Variants in KCNIP1 observed in about 807,000 individuals in gnomAD.
KCNIP1 encodes A-type potassium channel modulatory protein KCNIP1.
A neutral mutation model predicts 33.0 loss-of-function variants in KCNIP1; 18 were observed. That is an observed-to-expected ratio of 0.55 (90% confidence interval 0.38 to 0.81). The LOEUF (loss-of-function observed/expected upper bound fraction) is 0.81. KCNIP1 is among the 30% of genes least tolerant of loss of function. The pLI is 0.00. For synonymous variants in KCNIP1, 93 were observed against 98.3 expected (o/e 0.95, Z 0.32); for missense variants, 238 against 271.6 (o/e 0.88, Z 0.87).
At chr5:170,544,555 T>C (rs1756340695) in intron 1 of KCNIP1, among the ~76,000 whole-genome samples, 1 of 152,150 alleles carries the variant, frequency 6.6e-6, no homozygotes, top group African/African-American at 2.4e-5. Flanking sequence ...ACAGACACTG[T>C]TGGGTTTATT....
chr5:170,663,129 T>G (rs184118493), intron 1 of KCNIP1, among the ~76,000 whole-genome samples: 1 of 152,314 alleles, frequency 6.6e-6, no homozygotes, highest in African/African-American at 2.4e-5. Context: ...AGGTGTTGGT[T>G]CTGATCCTCT....
intron 1 of KCNIP1, among the ~76,000 whole-genome samples, chr5:170,696,912 A>G (rs777673948): frequency 2.3e-4 from 35 of 152,122 alleles, no homozygotes; most frequent in Non-Finnish European, 3.2e-4. Context: ...AAGGACAGTC[A>G]GATGTACTTC....
chr5:170,500,967 T>C (rs1757399092), upstream of KCNIP1, among the ~76,000 whole-genome samples: 1 of 152,184 alleles, frequency 6.6e-6, no homozygotes, highest in Non-Finnish European at 1.5e-5. Context: ...ACTGGGTCAC[T>C]GAGCAAAGAA....
At chr5:170,428,371 A>C (rs543262284) in intron 1 of KCNIP1, among the ~76,000 whole-genome samples, 17 of 152,092 alleles carry the variant, frequency 1.1e-4, no homozygotes, top group Non-Finnish European at 2.4e-4. Context: ...AACCACAGTC[A>C]AAGTACACAT....
At chr5:170,372,076 TC>T (rs1156792091) in intron 1 of KCNIP1, among the ~76,000 whole-genome samples, 3 of 152,280 alleles carry the variant, frequency 2.0e-5, no homozygotes, top group East Asian at 3.9e-4. Context: ...CAATAGGGTG[TC>T]CTGACTATCC....
intron 1 of KCNIP1, among the ~76,000 whole-genome samples, chr5:170,366,829 T>G (rs1763675916): frequency 6.6e-6 from 1 of 152,156 alleles, no homozygotes; most frequent in South Asian, 2.1e-4. Flanking sequence ...AGCCGATGAC[T>G]CATAGACTAA....
chr5:170,561,769 G>C lies in KCNIP1; in HGVS notation c.61+57136G>C, dbSNP rs572682543. Among the ~76,000 whole-genome samples the C allele has an allele frequency of 5.9e-5, 9 of 152,318 alleles. No homozygotes were observed. The East Asian group carries it at 1.5e-3, about 26-fold the overall frequency. On this transcript the variant is annotated intron_variant, in intron 1 of 7. Transcript: ENST00000328939. Reference sequence around the variant, plus strand: ...TATATTCGTTGAGTTCCCACTGCGTGGTGGGCATTATCCTAGGAACTGAGG... The same window carrying C: ...TATATTCGTTGAGTTCCCACTGCGTCGTGGGCATTATCCTAGGAACTGAGG...
intron 1 of KCNIP1, among the ~76,000 whole-genome samples, chr5:170,653,763 G>A (rs1039599011): frequency 6.6e-6 from 1 of 151,668 alleles, no homozygotes; most frequent in African/African-American, 2.4e-5. Context: ...GGCAGAATGT[G>A]GCCACCAGTA....
intron 1 of KCNIP1, among the ~76,000 whole-genome samples, chr5:170,712,495 A>G (rs73800903): frequency 0.035 from 5,316 of 152,278 alleles, 294 homozygotes; most frequent in African/African-American, 0.12. Flanking sequence ...TGTGGAGGGT[A>G]TCTTATAAGC....
At chr5:170,541,262 A>T (rs945613090) in intron 1 of KCNIP1, among the ~76,000 whole-genome samples, 1 of 152,150 alleles carries the variant, frequency 6.6e-6, no homozygotes, top group Non-Finnish European at 1.5e-5. Flanking sequence ...CATATGACCC[A>T]TAGCCATCTG....
At chr5:170,450,355 G>A (rs546493728) in intron 1 of KCNIP1, among the ~76,000 whole-genome samples, 4 of 152,274 alleles carry the variant, frequency 2.6e-5, no homozygotes, top group African/African-American at 9.6e-5. Context: ...CACTCAGCCA[G>A]GGTCTGCGGG....
intron 2 of KCNIP1, among the ~76,000 whole-genome samples, chr5:170,719,848 T>C (rs1377177923): frequency 6.6e-6 from 1 of 152,174 alleles, no homozygotes; most frequent in Non-Finnish European, 1.5e-5. Context: ...AGAAGGATCC[T>C]GTGGGAAAGT....
At chr5:170,395,637 CA>C (rs1332855461) in intron 1 of KCNIP1, among the ~76,000 whole-genome samples, 1 of 152,140 alleles carries the variant, frequency 6.6e-6, no homozygotes, top group Non-Finnish European at 1.5e-5. Flanking sequence ...GGGACCAGAA[CA>C]GGTGGATAGA....
At chr5:170,500,789 A>G (rs1364382491), upstream of KCNIP1, among the ~76,000 whole-genome samples, 1 of 152,258 alleles carries the variant, frequency 6.6e-6, no homozygotes, top group Non-Finnish European at 1.5e-5. Flanking sequence ...AGGCGTCCGC[A>G]GGAATAAATG....
intron 5 of KCNIP1, among the ~76,000 whole-genome samples, chr5:170,732,299 T>C (rs1764234160): frequency 6.6e-6 from 1 of 152,046 alleles, no homozygotes; most frequent in Admixed American, 6.5e-5. Context: ...TCTGATTCAA[T>C]AGGTTTGGAG....
chr5:170,591,384 A>AAAG (rs1758254262), intron 1 of KCNIP1, among the ~76,000 whole-genome samples: 1 of 2,148 alleles, frequency 4.7e-4, no homozygotes, highest in African/African-American at 5.4e-4. Context: ...AAGGGGAAAG[A>AAAG]AAGGAGAGTG....
intron 1 of KCNIP1, among the ~76,000 whole-genome samples, chr5:170,367,530 A>T (rs1581115006): frequency 6.6e-6 from 1 of 152,190 alleles, no homozygotes; most frequent in Non-Finnish European, 1.5e-5. Flanking sequence ...GGATGGATTG[A>T]TGGAGGATGG....
In KCNIP1 at chr5:170,592,058, C is replaced by T. The variant is rs115385048; in HGVS notation, c.61+87425C>T. Among the ~76,000 whole-genome samples, 725 of 152,326 alleles carry T rather than the reference C, an allele frequency of 4.8e-3. 6 individuals are homozygous for T. Among genetic ancestry groups the T allele is most frequent in the African/African-American group, 0.016 (677 of 41,576 alleles). On this transcript the variant is annotated intron_variant, in intron 1 of 7. Transcript: ENST00000328939. Reference sequence around the variant, plus strand: ...ACAGCAGCTGCAGCATTTTACATTCCTACCAGCAGTGCACAAGAGTTCCAA... The same window carrying T: ...ACAGCAGCTGCAGCATTTTACATTCTTACCAGCAGTGCACAAGAGTTCCAA...
intron 1 of KCNIP1, among the ~76,000 whole-genome samples, chr5:170,455,677 A>G (rs1187871611): frequency 1.3e-5 from 2 of 152,250 alleles, no homozygotes; most frequent in Non-Finnish European, 2.9e-5. Context: ...AGAAATTAAC[A>G]TACCCATAAG....
Sources: gnomAD v4.1 joint callset for allele counts (sites outside exome capture counted in the v4.1 genomes callset) on GRCh38, gnomAD v4.1.1 for gene constraint, MANE v1.5 for transcripts, NCBI Gene and HGNC (gene_info 2026-07-23, HGNC 2026-07-21) for gene names.